NTM: variants seen among roughly 807,000 people sequenced by gnomAD.
The protein encoded by NTM is neurotrimin, also known as IgLON family member 2.
NTM carries 13 observed loss-of-function variants against 42.1 expected under a neutral mutation model. The observed-to-expected ratio is 0.31, with a 90% CI of 0.20 to 0.49. The LOEUF is 0.49. Ranked by LOEUF, NTM falls within the 20% of genes least tolerant of loss-of-function variation. The pLI is 0.99. For missense variants in NTM, 373 were observed against 452.8 expected, an observed-to-expected ratio of 0.82 and a Z score of 1.60; for synonymous variants, 187 against 179.2, an observed-to-expected ratio of 1.04 and a Z score of -0.35.
chr11:131,545,914 G>C (rs566768157), intron 1 of NTM, among the ~76,000 whole-genome samples: 1 of 152,284 alleles, frequency 6.6e-6, no homozygotes, highest in South Asian at 2.1e-4. Context: ...GGGTTACAGT[G>C]ACGCTTGACT....
At chr11:131,644,455 G>C (rs1208186919) in intron 1 of NTM, among the ~76,000 whole-genome samples, 2 of 152,136 alleles carry the variant, frequency 1.3e-5, no homozygotes, top group African/African-American at 2.4e-5. Flanking sequence ...CATCAGTCCA[G>C]TCTCATGGCC....
chr11:131,924,464 T>C (rs1435834084), intron 2 of NTM, among the ~76,000 whole-genome samples: 1 of 152,184 alleles, frequency 6.6e-6, no homozygotes, highest in African/African-American at 2.4e-5. Context: ...GAGCACAAAC[T>C]CAGCTGCCTT....
At chr11:131,993,732 G>T (rs958977773) in intron 2 of NTM, among the ~76,000 whole-genome samples, 1 of 152,112 alleles carries the variant, frequency 6.6e-6, no homozygotes, top group Non-Finnish European at 1.5e-5. Context: ...GCTGAGCGGT[G>T]GCTCATGCCT....
In NTM at chr11:132,307,766, A is replaced by C. The variant is rs756899379; in HGVS notation, c.604A>C (p.Ser202Arg). The change falls in exon 5 of 9, where the codon AGT (serine) becomes CGT (arginine). Residue 202 changes from serine to arginine, a missense_variant. Transcript: ENST00000683400. Reference sequence around the variant, plus strand: ...GGAGCAGTCAGGGGACTACGAGTGCAGTGCCTCCAATGACGTGGCCGCGCC... The same window carrying C: ...GGAGCAGTCAGGGGACTACGAGTGCCGTGCCTCCAATGACGTGGCCGCGCC... ...TREQSGDYECSASNDVAAPVV... is the reference protein window; with the variant it reads ...TREQSGDYECRASNDVAAPVV... 3 of 1,614,104 alleles carry C rather than the reference A, an allele frequency of 1.9e-6. No individual in the cohort carries two copies. The highest frequency in any genetic ancestry group is 3.3e-5 in the Admixed American group (2 of 60,002).
intron 8 of NTM, among the ~76,000 whole-genome samples, chr11:132,333,783 C>T (rs541670358): frequency 4.6e-5 from 7 of 152,152 alleles, no homozygotes; most frequent in Admixed American, 6.5e-5. Context: ...TATTTAGCCA[C>T]GCCCCCAAAT....
chr11:132,103,868 G>A (rs1247933855), intron 2 of NTM, among the ~76,000 whole-genome samples: 5 of 152,228 alleles, frequency 3.3e-5, no homozygotes, highest in Non-Finnish European at 5.9e-5. Flanking sequence ...ACACACAACA[G>A]AGGGTGGGCA....
intron 4 of NTM, among the ~76,000 whole-genome samples, chr11:132,237,428 G>C (rs2089222957): frequency 6.6e-6 from 1 of 152,152 alleles, no homozygotes; most frequent in Non-Finnish European, 1.5e-5. Context: ...TAGAATCACA[G>C]AGTCCTGAAA....
intron 1 of NTM, among the ~76,000 whole-genome samples, chr11:131,651,499 C>G (rs1192111727): frequency 1.3e-5 from 2 of 152,204 alleles, no homozygotes; most frequent in Non-Finnish European, 2.9e-5. Flanking sequence ...GTCATACATT[C>G]AGCTCGGGAC....
In NTM at chr11:132,076,341, G is replaced by A. The variant is rs577535315; in HGVS notation, c.168-69941G>A. ...TAAAAATTCACTTACCAGATCTGCAGGTGGTTGGGACTTGGACCATGGGCT... is the reference window on the plus strand; with the variant it reads ...TAAAAATTCACTTACCAGATCTGCAAGTGGTTGGGACTTGGACCATGGGCT... On this transcript the variant is annotated intron_variant, in intron 2 of 8. Coordinates refer to ENST00000683400, the MANE Select transcript of NTM (RefSeq NM_001352005.2). Among the ~76,000 whole-genome samples, 70 of 152,268 alleles carry A rather than the reference G, an allele frequency of 4.6e-4. No individual in the cohort carries two copies. The Middle Eastern group carries it at 0.024, about 52-fold the overall frequency.
intron 1 of NTM, among the ~76,000 whole-genome samples, chr11:131,725,245 T>G (rs931169359): frequency 6.6e-6 from 1 of 152,180 alleles, no homozygotes; most frequent in Non-Finnish European, 1.5e-5. Context: ...TCACGGCATG[T>G]GTGAAGTACT....
At chr11:132,218,799 C>A (rs1209344836) in intron 4 of NTM, among the ~76,000 whole-genome samples, 1 of 152,156 alleles carries the variant, frequency 6.6e-6, no homozygotes, top group African/African-American at 2.4e-5. Context: ...GAGCATTAAG[C>A]AATGCCTGGC....
intron 3 of NTM, among the ~76,000 whole-genome samples, chr11:132,152,415 A>C (rs1330806944): frequency 6.6e-6 from 1 of 152,234 alleles, no homozygotes; most frequent in African/African-American, 2.4e-5. Context: ...GGGCATACTG[A>C]TCATCCCAAA....
intron 7 of NTM, among the ~76,000 whole-genome samples, chr11:132,317,301 G>C (rs571369086): frequency 3.0e-4 from 45 of 151,174 alleles, no homozygotes; most frequent in African/African-American, 1.0e-3. Context: ...TGGGGGTGGG[G>C]AAGTGGGAAA....
At chr11:131,625,275 C>A (rs891149099) in intron 1 of NTM, among the ~76,000 whole-genome samples, 2 of 152,168 alleles carry the variant, frequency 1.3e-5, no homozygotes, top group African/African-American at 4.8e-5. Context: ...TGGGGGGCCA[C>A]CCTGATAAGG....
intron 2 of NTM, among the ~76,000 whole-genome samples, chr11:132,004,901 GAC>G (rs1422378450): frequency 6.6e-6 from 1 of 152,124 alleles, no homozygotes; most frequent in Non-Finnish European, 1.5e-5. Context: ...TGAAATTGCT[GAC>G]AGTTTTAATA....
chr11:132,204,409 C>A (rs2081634790), intron 3 of NTM, among the ~76,000 whole-genome samples: 1 of 152,132 alleles, frequency 6.6e-6, no homozygotes, highest in Non-Finnish European at 1.5e-5. Flanking sequence ...ATGTGATGAC[C>A]ATTTTCAATG....
chr11:131,427,719 A>C (rs1015276339), intron 1 of NTM, among the ~76,000 whole-genome samples: 1 of 152,214 alleles, frequency 6.6e-6, no homozygotes, highest in Non-Finnish European at 1.5e-5. Flanking sequence ...CCATCAGGAC[A>C]TGTGTCAAGG....
At chr11:132,312,175 C>T (rs1006240590) in intron 6 of NTM, among the ~76,000 whole-genome samples, 9 of 152,172 alleles carry the variant, frequency 5.9e-5, no homozygotes, top group African/African-American at 2.2e-4. Context: ...TTGGGTCTGC[C>T]AGGTAGGTCT....
intron 2 of NTM, among the ~76,000 whole-genome samples, chr11:131,977,466 C>T (rs1009657355): frequency 8.5e-5 from 13 of 152,250 alleles, no homozygotes; most frequent in African/African-American, 3.1e-4. Context: ...ATACCTCTTC[C>T]TCAGCCCTAG....
Sources: allele counts gnomAD v4.1 joint callset (sites outside exome capture counted in the v4.1 genomes callset), GRCh38; gene constraint gnomAD v4.1.1; transcripts MANE v1.5; gene names NCBI Gene and HGNC (gene_info 2026-07-23, HGNC 2026-07-21).